TRPM3: variants seen among roughly 807,000 people sequenced by gnomAD.
The protein encoded by TRPM3 is long transient receptor potential channel 3.
In TRPM3, 77 loss-of-function variants were observed where a neutral mutation model predicts 181.2. The observed-to-expected ratio is 0.42, with a 90% CI of 0.35 to 0.51. The LOEUF is 0.51. TRPM3 is among the 20% of genes least tolerant of loss of function. The pLI is 0.01. For synonymous variants in TRPM3, 745 were observed against 796.4 expected, an observed-to-expected ratio of 0.94 and a Z score of 1.09; for missense variants, 1,759 against 2,196.7, an observed-to-expected ratio of 0.80 and a Z score of 3.98.
chr9:71,081,135 G>A (rs946501666), intron 1 of TRPM3, among the ~76,000 whole-genome samples: 1 of 152,118 alleles, frequency 6.6e-6, no homozygotes, highest in African/African-American at 2.4e-5. Flanking sequence ...ACGCTAAATT[G>A]ACATTTATCA....
At chr9:70,898,102 C>T (rs2096309150) in intron 1 of TRPM3, among the ~76,000 whole-genome samples, 1 of 151,850 alleles carries the variant, frequency 6.6e-6, no homozygotes, top group Non-Finnish European at 1.5e-5. Context: ...CACTAAGCAG[C>T]TCACTCACAA....
chr9:70,552,698 C>A, intron 24 of TRPM3, 146 bp downstream of exon 24: 1 of 796,138 alleles, frequency 1.3e-6, no homozygotes, highest in Non-Finnish European at 2.1e-6. Context: ...ACTCCCTCAT[C>A]CCCCAATGCT....
At chr9:70,844,481 A>G (rs2094862455) in intron 4 of TRPM3, among the ~76,000 whole-genome samples, 1 of 152,202 alleles carries the variant, frequency 6.6e-6, no homozygotes, top group African/African-American at 2.4e-5. Context: ...AAAAAACAAC[A>G]AAACAAAACT....
At position 71,052,830 on chromosome 9, in the gene TRPM3, C is replaced by T. The variant is rs76166665; in HGVS notation, c.177+68348G>A. ...ACAAGCAAAGCGTATCTCACTTTCA[C>T]CAAGTAAAATTAACTTCCTGAAAGT... On this transcript the variant is annotated intron_variant, in intron 1 of 25. Coordinates refer to ENST00000677713, the MANE Select transcript of TRPM3 (RefSeq NM_001366145.2). Among the ~76,000 whole-genome samples, 67 of 151,992 alleles carry T rather than the reference C, an allele frequency of 4.4e-4. No individual in the cohort carries two copies. The East Asian group carries it at 0.013, about 29-fold the overall frequency.
intron 1 of TRPM3, among the ~76,000 whole-genome samples, chr9:71,336,508 T>C (rs1454991924): frequency 6.6e-6 from 1 of 152,184 alleles, no homozygotes; most frequent in Non-Finnish European, 1.5e-5. Context: ...ATCAATATCA[T>C]GAAAATGGCC....
intron 5 of TRPM3, among the ~76,000 whole-genome samples, chr9:70,840,350 C>T (rs1200497766): frequency 6.6e-6 from 1 of 152,096 alleles, no homozygotes; most frequent in African/African-American, 2.4e-5. Context: ...ACTGTCTTTC[C>T]TGTGTTCTCT....
chr9:71,078,381 T>C (rs2063761546), intron 1 of TRPM3, among the ~76,000 whole-genome samples: 1 of 152,196 alleles, frequency 6.6e-6, no homozygotes, highest in Non-Finnish European at 1.5e-5. Flanking sequence ...CTTTTGTTTA[T>C]ACATAGTAAA....
At chr9:71,229,519 A>G (rs2080909566) in intron 1 of TRPM3, among the ~76,000 whole-genome samples, 1 of 152,218 alleles carries the variant, frequency 6.6e-6, no homozygotes, top group African/African-American at 2.4e-5. Flanking sequence ...CAAAATGAAG[A>G]GATAACCCAC....
intron 1 of TRPM3, among the ~76,000 whole-genome samples, chr9:71,177,758 T>A (rs7865847): frequency 6.6e-6 from 1 of 151,848 alleles, no homozygotes; most frequent in African/African-American, 2.4e-5. Flanking sequence ...GCTCTTGTTT[T>A]CCCTACCTTT....
intron 1 of TRPM3, among the ~76,000 whole-genome samples, chr9:70,942,285 C>A (rs557339937): frequency 2.6e-4 from 40 of 152,304 alleles, no homozygotes; most frequent in African/African-American, 9.6e-4. Context: ...ACACACATAC[C>A]TGCAAACACA....
intron 1 of TRPM3, among the ~76,000 whole-genome samples, chr9:70,948,280 A>G (rs2096958354): frequency 6.7e-6 from 1 of 149,422 alleles, no homozygotes; most frequent in African/African-American, 2.6e-5. Flanking sequence ...CTTCTCAAAT[A>G]TAAATTATTA....
chr9:71,056,008 T>C (rs1003813075), intron 1 of TRPM3, among the ~76,000 whole-genome samples: 2 of 151,980 alleles, frequency 1.3e-5, no homozygotes, highest in African/African-American at 2.4e-5. Flanking sequence ...TTAGAGCCAT[T>C]ATCTCCTCTA....
chr9:70,591,445 C>A (rs1036683376), intron 21 of TRPM3, among the ~76,000 whole-genome samples: 2 of 152,134 alleles, frequency 1.3e-5, no homozygotes, highest in Non-Finnish European at 2.9e-5. Flanking sequence ...ACAGATGAAG[C>A]CTCTTCGTTT....
intron 1 of TRPM3, among the ~76,000 whole-genome samples, chr9:71,014,086 T>G (rs1278990779): frequency 6.6e-6 from 1 of 152,016 alleles, no homozygotes; most frequent in African/African-American, 2.4e-5. Context: ...TAATCACTAC[T>G]TCAGTTATAT....
At chr9:71,107,971 C>T (rs182331308) in intron 1 of TRPM3, among the ~76,000 whole-genome samples, 414 of 152,232 alleles carry the variant, frequency 2.7e-3, no homozygotes, top group Non-Finnish European at 4.3e-3. Context: ...GCTTGTGGAA[C>T]CTTTTGTCAG....
At chr9:71,017,389 T>C (rs531995263) in intron 1 of TRPM3, among the ~76,000 whole-genome samples, 1 of 152,002 alleles carries the variant, frequency 6.6e-6, no homozygotes, top group South Asian at 2.1e-4. Context: ...AAGACCAATA[T>C]TGGCATGATG....
At chr9:71,188,745 A>C (rs1037105962) in intron 1 of TRPM3, among the ~76,000 whole-genome samples, 1 of 151,916 alleles carries the variant, frequency 6.6e-6, no homozygotes, top group Non-Finnish European at 1.5e-5. Flanking sequence ...AAAGAGTCAA[A>C]TTAGCTACTC....
At chr9:70,866,048 G>A (rs924403314) in intron 1 of TRPM3, among the ~76,000 whole-genome samples, 1 of 151,958 alleles carries the variant, frequency 6.6e-6, no homozygotes, top group Non-Finnish European at 1.5e-5. Flanking sequence ...CTACCTCTTT[G>A]TAACAAAAAT....
chr9:71,242,071 C>A (rs917745213), intron 1 of TRPM3, among the ~76,000 whole-genome samples: 12 of 152,342 alleles, frequency 7.9e-5, no homozygotes, highest in African/African-American at 2.6e-4. Flanking sequence ...TGGGAAATCA[C>A]TGCCCCTCAA....
Sources: allele counts gnomAD v4.1 joint callset (sites outside exome capture counted in the v4.1 genomes callset), GRCh38; gene constraint gnomAD v4.1.1; transcripts MANE v1.5; gene names NCBI Gene and HGNC (gene_info 2026-07-23, HGNC 2026-07-21).